Variants in SPPL2A observed in about 807,000 individuals in gnomAD.
SPPL2A encodes the protein signal peptide peptidase like 2A.
SPPL2A carries 51 observed loss-of-function variants against 63.8 expected under a neutral mutation model. The ratio of observed to expected loss-of-function variants is 0.80; its 90% CI spans 0.64 to 1.01. The LOEUF is 1.01. Among genes scored for constraint, SPPL2A ranks in the 50% least tolerant of loss-of-function variants. The pLI is 0.00. For synonymous variants in SPPL2A, 188 were observed against 205.8 expected (o/e 0.91, Z 0.74); for missense variants, 553 against 622.7 (o/e 0.89, Z 1.19).
chr15:50,738,859 G>A lies in SPPL2A; in HGVS notation c.733+821C>T, dbSNP rs532560568. On this transcript the variant is annotated intron_variant, in intron 6 of 14. Coordinates refer to ENST00000261854, the MANE Select transcript of SPPL2A (RefSeq NM_032802.4). ...AGAACTAGTTACTTTCTAGACCACAGGGAAGTACCTGTGTGTCTTCAGATA... is the reference window on the plus strand; with the variant it reads ...AGAACTAGTTACTTTCTAGACCACAAGGAAGTACCTGTGTGTCTTCAGATA... 2.6e-5 allele frequency among the ~76,000 whole-genome samples: 4 copies of A among 152,258 alleles called. No individual in the cohort carries two copies. The South Asian group carries it at 8.3e-4, about 32-fold the overall frequency.
intron 13 of SPPL2A, among the ~76,000 whole-genome samples, 192 bp from the exon 14 acceptor site, chr15:50,720,292 T>C (rs144897129): frequency 4.6e-4 from 70 of 152,338 alleles, no homozygotes; most frequent in African/African-American, 1.6e-3. Flanking sequence ...ATGTGGAAAC[T>C]GGTTAGCATT....
chr15:50,753,997 A>T (rs2062932389), intron 1 of SPPL2A, among the ~76,000 whole-genome samples: 1 of 152,112 alleles, frequency 6.6e-6, no homozygotes, highest in African/African-American at 2.4e-5. Flanking sequence ...GGGTTTCACC[A>T]TGTTGGCCAG....
intron 5 of SPPL2A, among the ~76,000 whole-genome samples, chr15:50,740,435 AAAAAAAAAAAG>A (rs1207494400): frequency 2.7e-5 from 4 of 149,480 alleles, no homozygotes; most frequent in Middle Eastern, 3.4e-3. Context: ...CTCAAAAAAA[AAAAAAAAAAAG>A]AAAAAAAAAA....
At chr15:50,741,913 C>G (rs138675518) in intron 5 of SPPL2A, among the ~76,000 whole-genome samples, 1 of 150,802 alleles carries the variant, frequency 6.6e-6, no homozygotes, top group South Asian at 2.1e-4. Context: ...TTGCAGTGAG[C>G]GAAGACCGCA....
intron 5 of SPPL2A, among the ~76,000 whole-genome samples, chr15:50,741,693 G>C (rs1240775236): frequency 6.6e-6 from 1 of 152,168 alleles, no homozygotes; most frequent in African/African-American, 2.4e-5. Flanking sequence ...TCTGCTGGGT[G>C]TGGTGGCTCA....
At chr15:50,751,810 T>C (rs1248663919) in intron 1 of SPPL2A, among the ~76,000 whole-genome samples, 2 of 152,132 alleles carry the variant, frequency 1.3e-5, no homozygotes, top group African/African-American at 4.8e-5. Flanking sequence ...CTGGCTAGTA[T>C]CCTTTGTTTT....
intron 8 of SPPL2A, among the ~76,000 whole-genome samples, chr15:50,734,813 C>A (rs759779566): frequency 5.3e-5 from 8 of 152,112 alleles, no homozygotes; most frequent in Non-Finnish European, 8.8e-5. Context: ...TCATTATGTT[C>A]CCATAATAAT....
intron 4 of SPPL2A, 101 bp from the exon 5 acceptor site, chr15:50,747,729 TCAGA>T: frequency 1.3e-6 from 1 of 798,910 alleles, no homozygotes; most frequent in Middle Eastern, 2.4e-4. Flanking sequence ...ACATTATACA[TCAGA>T]CAGTCAAGAA....
rs1449418931 is a variant in SPPL2A at position 50,765,682 on chromosome 15, C to CAGT, written c.-150_-149insACT. 7.1e-6 allele frequency: 3 copies of CAGT among 424,470 alleles called. No individual in the cohort carries two copies. The highest frequency in any genetic ancestry group is 1.7e-4 in the South Asian group (2 of 12,066). The allele number at this position is 424,470 out of a possible 1,614,324, so 26.3% of individuals were successfully genotyped here. ...GGCTACGACTGGACCGCCGCTGCTACAGCGGCCGCCACAGCAGCGCGACTT... is the reference window on the plus strand; with the variant it reads ...GGCTACGACTGGACCGCCGCTGCTACAGTAGCGGCCGCCACAGCAGCGCGACTT... On this transcript the variant is annotated 5_prime_UTR_variant, in exon 1 of 15. Transcript: ENST00000261854.
chr15:50,706,218 C>A lies in SPPL2A; in HGVS notation c.*1582G>T, dbSNP rs553597222. ...CATCCCGGCTAAAACGGTGAAACCC[C>A]GTCTCTACTAAAACTACAAAAAATA... On this transcript the variant is annotated 3_prime_UTR_variant, in exon 15 of 15. Transcript: ENST00000261854. 6.6e-6 allele frequency: 1 copy of A among 151,142 alleles called. No homozygotes were observed. The highest frequency in any genetic ancestry group is 2.1e-4 in the South Asian group (1 of 4,766). The allele number at this position is 151,142 out of a possible 1,614,324, so 9.4% of individuals were successfully genotyped here. A position where few individuals can be genotyped will look rare whatever the true frequency, so the allele number is the denominator to read the frequency against.
At chr15:50,722,691 G>A (rs1038403314) in intron 12 of SPPL2A, among the ~76,000 whole-genome samples, 27 of 152,098 alleles carry the variant, frequency 1.8e-4, no homozygotes, top group African/African-American at 5.8e-4. Flanking sequence ...TCCTGACCTC[G>A]TGATCCACTG....
At chr15:50,730,063 G>A (rs2062719256) in intron 10 of SPPL2A, among the ~76,000 whole-genome samples, 1 of 151,852 alleles carries the variant, frequency 6.6e-6, no homozygotes, top group Non-Finnish European at 1.5e-5. Flanking sequence ...AGTGACAAAG[G>A]ATAAATGGAT....
chr15:50,710,375 A>ATT (rs1294955536), intron 14 of SPPL2A, among the ~76,000 whole-genome samples: 2 of 152,178 alleles, frequency 1.3e-5, no homozygotes, highest in East Asian at 3.8e-4. Flanking sequence ...ATAGAAATAT[A>ATT]TTAATTAAAA....
At chr15:50,753,468 GT>G (rs2062926994) in intron 1 of SPPL2A, among the ~76,000 whole-genome samples, 2 of 152,134 alleles carry the variant, frequency 1.3e-5, no homozygotes, top group South Asian at 4.1e-4. Context: ...AAGAGCATGA[GT>G]TTTTAAATGA....
intron 5 of SPPL2A, among the ~76,000 whole-genome samples, chr15:50,742,550 T>A (rs1395298387): frequency 6.6e-6 from 1 of 152,192 alleles, no homozygotes; most frequent in Non-Finnish European, 1.5e-5. Flanking sequence ...TTACTCTCTT[T>A]CCATCCAACT....
intron 8 of SPPL2A, among the ~76,000 whole-genome samples, chr15:50,734,216 C>T (rs1032489676): frequency 2.0e-5 from 3 of 152,122 alleles, no homozygotes; most frequent in Non-Finnish European, 4.4e-5. Context: ...CAGCACTATT[C>T]GCCATAGCCA....
chr15:50,746,444 A>C (rs1226023078), intron 5 of SPPL2A, among the ~76,000 whole-genome samples: 1 of 85,342 alleles, frequency 1.2e-5, no homozygotes, highest in African/African-American at 6.7e-5. Context: ...ATCAAAAAAA[A>C]AAAAAAAAAA....
At chr15:50,721,221 T>G (rs941820062) in intron 13 of SPPL2A, among the ~76,000 whole-genome samples, 1 of 151,280 alleles carries the variant, frequency 6.6e-6, no homozygotes, top group Non-Finnish European at 1.5e-5. Context: ...TTTAGTAGAG[T>G]TGAGATTTCA....
At chr15:50,720,825 T>C (rs1410855205) in intron 13 of SPPL2A, among the ~76,000 whole-genome samples, 1 of 152,006 alleles carries the variant, frequency 6.6e-6, no homozygotes, top group Non-Finnish European at 1.5e-5. Context: ...GGCCTGAACT[T>C]TTCTTAATGA....
Sources: allele counts gnomAD v4.1 joint callset (sites outside exome capture counted in the v4.1 genomes callset), GRCh38; gene constraint gnomAD v4.1.1; transcripts MANE v1.5; gene names NCBI Gene and HGNC (gene_info 2026-07-23, HGNC 2026-07-21).